ZFHX3: variants seen among roughly 807,000 people sequenced by gnomAD.
The protein encoded by ZFHX3 is zinc finger homeobox protein 3.
Under a neutral mutation model 279.1 loss-of-function variants are expected in ZFHX3, and 42 were observed. The observed-to-expected ratio is 0.15, with a 90% confidence interval of 0.12 to 0.19. ZFHX3 has a LOEUF of 0.19. Ranked by LOEUF, ZFHX3 falls within the 10% of genes least tolerant of loss-of-function variation. The probability of loss-of-function intolerance (pLI) is 1.00; values close to 1 mark genes in which losing one functional copy is unlikely to be tolerated. For synonymous variants in ZFHX3, 2,293 were observed against 1,957.8 expected, an observed-to-expected ratio of 1.17 and a Z score of -4.52; for missense variants, 4,981 against 4,754.0, an observed-to-expected ratio of 1.05 and a Z score of -1.40.
At chr16:73,845,679 C>G (rs1961432602) in intron 1 of ZFHX3, among the ~76,000 whole-genome samples, 1 of 152,208 alleles carries the variant, frequency 6.6e-6, no homozygotes, top group East Asian at 1.9e-4. Flanking sequence ...ATTTTTCCAA[C>G]ATGCGTTGTC....
chr16:72,960,214 G>T lies in ZFHX3; in HGVS notation c.-49-20C>A, dbSNP rs1597020540. 4 of 1,481,198 alleles carry T rather than the reference G, an allele frequency of 2.7e-6. No individual in the cohort carries two copies. The highest frequency in any genetic ancestry group is 2.7e-6 in the Non-Finnish European group (3 of 1,113,618). The allele number at this position is 1,481,198 out of a possible 1,614,324, so 91.8% of individuals were successfully genotyped here. On this transcript the variant is annotated intron_variant, in intron 1 of 9. Coordinates refer to ENST00000268489, the MANE Select transcript of ZFHX3 (RefSeq NM_006885.4). ...TCGGACCTGAAGGGCAGAGGCAAGGGGGGAGGAGGGAGAGAGGGGAAAGAG... is the reference window on the plus strand; with the variant it reads ...TCGGACCTGAAGGGCAGAGGCAAGGTGGGAGGAGGGAGAGAGGGGAAAGAG...
intron 1 of ZFHX3, among the ~76,000 whole-genome samples, chr16:73,853,480 A>G (rs868411064): frequency 3.6e-5 from 5 of 140,408 alleles, no homozygotes; most frequent in Admixed American, 6.8e-5. Flanking sequence ...TACACACACC[A>G]TGGAATACTA....
At chr16:73,070,866 ACTTTC>A (rs1965815019) in intron 8 of ZFHX3, among the ~76,000 whole-genome samples, 1 of 145,902 alleles carries the variant, frequency 6.9e-6, no homozygotes, top group Non-Finnish European at 1.5e-5. Flanking sequence ...CTCATGTCAC[ACTTTC>A]CTTTGTTTTC....
intron 2 of ZFHX3, among the ~76,000 whole-genome samples, chr16:73,625,503 A>C (rs888158201): frequency 6.6e-6 from 1 of 152,282 alleles, no homozygotes; most frequent in African/African-American, 2.4e-5. Context: ...TATGTATATA[A>C]TGAATGAACT....
intron 4 of ZFHX3, among the ~76,000 whole-genome samples, chr16:72,837,065 C>T (rs1036737936): frequency 7.2e-5 from 11 of 152,224 alleles, no homozygotes; most frequent in South Asian, 2.1e-4. Context: ...CGCACTCCTG[C>T]GGGCCTCTAG....
At position 73,528,963 on chromosome 16, in the gene ZFHX3, T is replaced by C. The variant is rs148940043; in HGVS notation, c.-1546-72705A>G. 2.8e-4 allele frequency among the ~76,000 whole-genome samples: 42 copies of C among 152,316 alleles called. No individual in the cohort carries two copies. The Middle Eastern group carries it at 0.01, about 37-fold the overall frequency. On this transcript the variant is annotated intron_variant, in intron 2 of 17. Coordinates refer to the ZFHX3 transcript ENST00000641206. ...AGAACAGCCTGTAACGAATCCCCAG[T>C]TCCATAACATGTTTAACAATTAATA...
At chr16:73,617,738 T>C (rs1169172388) in intron 2 of ZFHX3, among the ~76,000 whole-genome samples, 1 of 152,172 alleles carries the variant, frequency 6.6e-6, no homozygotes, top group Admixed American at 6.5e-5. Context: ...TAAAAAAGTA[T>C]ACCATTGGGA....
At chr16:73,675,860 T>TA (rs200598627) in intron 2 of ZFHX3, among the ~76,000 whole-genome samples, 37 of 151,010 alleles carry the variant, frequency 2.5e-4, no homozygotes, top group East Asian at 1.7e-3. Flanking sequence ...TTCAATTATC[T>TA]AAAAAAAAAT....
chr16:73,764,640 G>A (rs172919), intron 1 of ZFHX3, among the ~76,000 whole-genome samples: 9,860 of 152,214 alleles, frequency 0.065, 513 homozygotes, highest in African/African-American at 0.14. Flanking sequence ...CTCTATGTTC[G>A]TAGTCCAGCC....
intron 1 of ZFHX3, among the ~76,000 whole-genome samples, chr16:73,812,909 C>T (rs1597127014): frequency 6.6e-6 from 1 of 152,296 alleles, no homozygotes; most frequent in East Asian, 1.9e-4. Context: ...ATTTATAAAG[C>T]AGATATGATA....
At chr16:72,870,163 G>C (rs566363890) in intron 4 of ZFHX3, among the ~76,000 whole-genome samples, 2 of 150,408 alleles carry the variant, frequency 1.3e-5, no homozygotes, top group East Asian at 2.0e-4. Flanking sequence ...AGGCCAAAGC[G>C]GGCAGATTGC....
At chr16:73,410,823 C>G (rs997436041) in intron 3 of ZFHX3, among the ~76,000 whole-genome samples, 10 of 152,216 alleles carry the variant, frequency 6.6e-5, no homozygotes, top group Non-Finnish European at 1.2e-4. Context: ...GTTACACACA[C>G]AAGCATGATT....
At chr16:73,591,775 A>T (rs2052002011) in intron 2 of ZFHX3, among the ~76,000 whole-genome samples, 1 of 151,282 alleles carries the variant, frequency 6.6e-6, no homozygotes, top group Non-Finnish European at 1.5e-5. Flanking sequence ...GCCTCAGGAG[A>T]TCTATCAATG....
At chr16:73,222,564 AAAG>A (rs1436771162) in intron 5 of ZFHX3, among the ~76,000 whole-genome samples, 3 of 152,166 alleles carry the variant, frequency 2.0e-5, no homozygotes, top group Non-Finnish European at 4.4e-5. Context: ...ATGGAAGATC[AAAG>A]AAGATCCAAA....
At chr16:73,102,575 T>C (rs1966245882) in intron 7 of ZFHX3, among the ~76,000 whole-genome samples, 1 of 152,198 alleles carries the variant, frequency 6.6e-6, no homozygotes, top group Non-Finnish European at 1.5e-5. Context: ...TTCCAAACAC[T>C]TTCACAGTCA....
intron 1 of ZFHX3, among the ~76,000 whole-genome samples, chr16:73,783,536 C>A (rs1381424054): frequency 6.6e-6 from 1 of 152,168 alleles, no homozygotes; most frequent in Non-Finnish European, 1.5e-5. Flanking sequence ...CCTGGAAAAA[C>A]CCCAGAGGGA....
intron 1 of ZFHX3, among the ~76,000 whole-genome samples, chr16:73,843,081 A>G (rs1454448168): frequency 6.6e-6 from 1 of 152,214 alleles, no homozygotes; most frequent in Non-Finnish European, 1.5e-5. Flanking sequence ...TTGTTTTTGC[A>G]GAATTTTCCA....
chr16:72,857,633 C>G (rs1429340717), intron 4 of ZFHX3, among the ~76,000 whole-genome samples: 1 of 152,178 alleles, frequency 6.6e-6, no homozygotes, highest in East Asian at 1.9e-4. Flanking sequence ...TGTAGTGAAC[C>G]GCGATCGTGC....
intron 1 of ZFHX3, among the ~76,000 whole-genome samples, chr16:73,835,788 C>A (rs148531624): frequency 2.0e-5 from 3 of 151,980 alleles, no homozygotes; most frequent in African/African-American, 7.3e-5. Context: ...TCTTTTTCCC[C>A]ACCTATTAAG....
Sources: gnomAD v4.1 joint callset for allele counts (sites outside exome capture counted in the v4.1 genomes callset) on GRCh38, gnomAD v4.1.1 for gene constraint, MANE v1.5 for transcripts, NCBI Gene and HGNC (gene_info 2026-07-23, HGNC 2026-07-21) for gene names.